Variants in FAM240B observed in about 807,000 individuals in gnomAD.
FAM240B encodes the protein family with sequence similarity 240 member B, also known as protein FAM240B.
At chr9:38,699,172 AGTT>A (rs1289381652) in intron 2 of FAM240B, among the ~76,000 whole-genome samples, 1 of 152,176 alleles carries the variant, frequency 6.6e-6, no homozygotes, top group Non-Finnish European at 1.5e-5. Flanking sequence ...TTTGTGGAGG[AGTT>A]GTTAATTCCT....
chr9:38,701,907 AACAC>A (rs112042925), intron 2 of FAM240B, among the ~76,000 whole-genome samples: 5 of 151,384 alleles, frequency 3.3e-5, no homozygotes, highest in African/African-American at 9.7e-5. Flanking sequence ...AAAATAGGAG[AACAC>A]ACACACACAC....
chr9:38,701,371 C>T (rs760425040), intron 2 of FAM240B, among the ~76,000 whole-genome samples: 4 of 152,140 alleles, frequency 2.6e-5, no homozygotes, highest in East Asian at 1.9e-4. Context: ...CTGACATTTT[C>T]GTTCTAATTT....
chr9:38,708,861 A>G (rs1218648933), intron 1 of FAM240B, among the ~76,000 whole-genome samples: 4 of 152,190 alleles, frequency 2.6e-5, no homozygotes, highest in Non-Finnish European at 5.9e-5. Flanking sequence ...GCTCATATTG[A>G]AGGCTTATTT....
chr9:38,694,715 G>T lies in FAM240B; in HGVS notation c.*61C>A. 1 of 398,244 alleles carries T rather than the reference G, an allele frequency of 2.5e-6. No homozygotes were observed. Among genetic ancestry groups the T allele is most frequent in the Non-Finnish European group, 4.4e-6 (1 of 225,918 alleles). 24.7% of individuals were successfully genotyped at this position (398,244 alleles called of 1,614,324 possible). A position where few individuals can be genotyped will look rare whatever the true frequency, so the allele number is the denominator to read the frequency against. ...GTAAATCAGCACAACTTGAGTGTTAGTTTTTTTCCCCTAGAAAAGTGGTCG... is the reference window on the plus strand; with the variant it reads ...GTAAATCAGCACAACTTGAGTGTTATTTTTTTTCCCCTAGAAAAGTGGTCG... On this transcript the variant is annotated 3_prime_UTR_variant, in exon 3 of 3. Coordinates refer to ENST00000637493, the MANE Select transcript of FAM240B (RefSeq NM_001394922.1).
At chr9:38,704,287 G>A (rs544197080) in intron 1 of FAM240B, among the ~76,000 whole-genome samples, 1 of 152,158 alleles carries the variant, frequency 6.6e-6, no homozygotes, top group African/African-American at 2.4e-5. Context: ...TTTAAGGCTT[G>A]CCCTTTTCAC....
chr9:38,717,582 G>A (rs1483393169), intron 1 of FAM240B, among the ~76,000 whole-genome samples: 1 of 152,268 alleles, frequency 6.6e-6, no homozygotes, highest in Admixed American at 6.5e-5. Context: ...CCGGGTTCAC[G>A]CCATTCTCCT....
intron 1 of FAM240B, among the ~76,000 whole-genome samples, chr9:38,705,064 C>T (rs1399900316): frequency 6.6e-6 from 1 of 152,224 alleles, no homozygotes; most frequent in East Asian, 1.9e-4. Flanking sequence ...TAACGTGGCT[C>T]ACTTTCCAGA....
At chr9:38,715,931 C>T (rs970224847) in intron 1 of FAM240B, among the ~76,000 whole-genome samples, 2 of 152,194 alleles carry the variant, frequency 1.3e-5, no homozygotes, top group African/African-American at 2.4e-5. Flanking sequence ...CTGTTAACCA[C>T]TGCAGTTTTA....
intron 1 of FAM240B, among the ~76,000 whole-genome samples, chr9:38,717,427 CTT>C (rs905031499): frequency 1.6e-4 from 25 of 152,030 alleles, no homozygotes; most frequent in African/African-American, 5.1e-4. Flanking sequence ...AAAAAATACT[CTT>C]GAGTATAGCG....
rs549361183 is a variant in FAM240B, at chr9:38,694,599, G to C, written c.*177C>G. 7.6e-6 allele frequency: 3 copies of C among 392,474 alleles called. No homozygotes were observed. The highest frequency in any genetic ancestry group is 2.1e-5 in the African/African-American group (1 of 48,452). 24.3% of individuals were successfully genotyped at this position (392,474 alleles called of 1,614,324 possible). ...TCCTGTCCTCTGTGCGGAGGGGATT[G>C]AGCAGGATAATAACTCCCATTAGCA... On this transcript the variant is annotated 3_prime_UTR_variant, in exon 3 of 3. Coordinates refer to ENST00000637493, the MANE Select transcript of FAM240B (RefSeq NM_001394922.1).
At chr9:38,697,460 T>G (rs934239242) in intron 2 of FAM240B, among the ~76,000 whole-genome samples, 2 of 152,214 alleles carry the variant, frequency 1.3e-5, no homozygotes, top group Admixed American at 6.5e-5. Context: ...TTCTCCTTCA[T>G]GGAGGTCAGA....
intron 1 of FAM240B, among the ~76,000 whole-genome samples, chr9:38,717,038 A>G (rs1287321086): frequency 6.6e-6 from 1 of 152,144 alleles, no homozygotes; most frequent in African/African-American, 2.4e-5. Context: ...TAAATGGAAC[A>G]GCCCCCGGAG....
chr9:38,713,481 CA>C (rs77404875), intron 1 of FAM240B, among the ~76,000 whole-genome samples: 1,614 of 83,542 alleles, frequency 0.019, 18 homozygotes, highest in African/African-American at 0.066. Flanking sequence ...CCGTTTCAAA[CA>C]AAAAAAAAAA....
chr9:38,717,081 T>TAAA (rs1165493060), intron 1 of FAM240B, among the ~76,000 whole-genome samples: 1 of 152,050 alleles, frequency 6.6e-6, no homozygotes, highest in Non-Finnish European at 1.5e-5. Flanking sequence ...AACGGCACAC[T>TAAA]CGGCACCCTC....
intron 2 of FAM240B, among the ~76,000 whole-genome samples, chr9:38,698,057 C>A (rs151134836): frequency 6.6e-6 from 1 of 152,212 alleles, no homozygotes; most frequent in Non-Finnish European, 1.5e-5. Flanking sequence ...TACAGTGGCA[C>A]AGCTGAAGAG....
intron 2 of FAM240B, among the ~76,000 whole-genome samples, chr9:38,702,440 T>A (rs1039772683): frequency 2.6e-5 from 4 of 152,244 alleles, no homozygotes; most frequent in African/African-American, 9.6e-5. Context: ...AGTGCTCTGC[T>A]GTGGAGAACA....
At chr9:38,715,180 T>C (rs1821293363) in intron 1 of FAM240B, among the ~76,000 whole-genome samples, 1 of 152,204 alleles carries the variant, frequency 6.6e-6, no homozygotes, top group Non-Finnish European at 1.5e-5. Context: ...CAAAGAGATA[T>C]TCCGTCCTGG....
At chr9:38,713,481 CAAAAAA>C (rs77404875) in intron 1 of FAM240B, among the ~76,000 whole-genome samples, 21 of 83,598 alleles carry the variant, frequency 2.5e-4, no homozygotes, top group African/African-American at 7.2e-4. Context: ...CCGTTTCAAA[CAAAAAA>C]AAAAAAAAAA....
At chr9:38,701,910 A>ACG (rs1476776264) in intron 2 of FAM240B, among the ~76,000 whole-genome samples, 2 of 151,576 alleles carry the variant, frequency 1.3e-5, no homozygotes, top group African/African-American at 4.8e-5. Context: ...ATAGGAGAAC[A>ACG]CACACACACA....
Sources: gnomAD v4.1 joint callset for allele counts (sites outside exome capture counted in the v4.1 genomes callset) on GRCh38, gnomAD v4.1.1 for gene constraint, MANE v1.5 for transcripts, NCBI Gene and HGNC (gene_info 2026-07-23, HGNC 2026-07-21) for gene names.